Variants in PDSS2 observed in about 807,000 individuals in gnomAD.
PDSS2 encodes the protein all trans-polyprenyl-diphosphate synthase PDSS2.
Under a neutral mutation model 44.5 loss-of-function variants are expected in PDSS2, and 31 were observed. The ratio of observed to expected loss-of-function variants is 0.70; its 90% CI spans 0.52 to 0.94. PDSS2 has a LOEUF of 0.94. Ranked by LOEUF, PDSS2 falls within the 40% of genes least tolerant of loss-of-function variation. The probability of loss-of-function intolerance (pLI) is 0.00; values close to 1 mark genes in which losing one functional copy is unlikely to be tolerated. For missense variants in PDSS2, 452 were observed against 482.2 expected (o/e 0.94, Z 0.59); for synonymous variants, 157 against 180.3 (o/e 0.87, Z 1.03).
At chr6:107,414,823 A>C (rs1291359144) in intron 1 of PDSS2, among the ~76,000 whole-genome samples, 2 of 152,218 alleles carry the variant, frequency 1.3e-5, no homozygotes, top group African/African-American at 4.8e-5. Flanking sequence ...TAGGAAACAG[A>C]GGCATCAATT....
At chr6:107,341,664 G>A (rs1446910520) in intron 1 of PDSS2, among the ~76,000 whole-genome samples, 1 of 152,106 alleles carries the variant, frequency 6.6e-6, no homozygotes, top group Admixed American at 6.6e-5. Context: ...CCACAGACAT[G>A]GATAATGAAG....
intron 2 of PDSS2, among the ~76,000 whole-genome samples, chr6:107,274,888 G>C (rs1281481608): frequency 6.6e-6 from 1 of 152,082 alleles, no homozygotes; most frequent in Non-Finnish European, 1.5e-5. Flanking sequence ...ACCCAGGCTG[G>C]TCTTGAACTC....
chr6:107,207,608 CTTT>C (rs777686277), intron 6 of PDSS2, among the ~76,000 whole-genome samples: 2 of 110,370 alleles, frequency 1.8e-5, no homozygotes, highest in African/African-American at 3.5e-5. Context: ...AGTAAAGTGT[CTTT>C]TTTTTTTTTT....
chr6:107,201,291 AATGTGAAAATAGACAAG>A (rs1042792186), intron 6 of PDSS2, among the ~76,000 whole-genome samples: 2 of 151,188 alleles, frequency 1.3e-5, no homozygotes, highest in Non-Finnish European at 2.9e-5. Flanking sequence ...ATCTTTTAAA[AATGTGAAAATAGACAAG>A]ATAGTGTGCC....
At chr6:107,255,282 T>C (rs1774973490) in intron 3 of PDSS2, among the ~76,000 whole-genome samples, 1 of 146,962 alleles carries the variant, frequency 6.8e-6, no homozygotes, top group African/African-American at 2.5e-5. Flanking sequence ...AACCTCGACC[T>C]CCCGGGTTCA....
intron 4 of PDSS2, among the ~76,000 whole-genome samples, chr6:107,232,854 T>C (rs1480414610): frequency 5.9e-5 from 9 of 152,088 alleles, no homozygotes; most frequent in Admixed American, 5.9e-4. Flanking sequence ...TCTTTTTTTT[T>C]TTTGAGACAG....
chr6:107,271,755 C>T (rs1385701956), intron 3 of PDSS2, among the ~76,000 whole-genome samples: 1 of 152,104 alleles, frequency 6.6e-6, no homozygotes, highest in African/African-American at 2.4e-5. Context: ...TTTCAGATTT[C>T]CTAACAACTT....
intron 2 of PDSS2, among the ~76,000 whole-genome samples, chr6:107,298,426 T>C (rs534679299): frequency 1.7e-4 from 26 of 152,270 alleles, no homozygotes; most frequent in Admixed American, 4.6e-4. Flanking sequence ...ATATGAAGCA[T>C]ACAAGAGGAT....
At chr6:107,168,845 C>T (rs1356528749) in intron 7 of PDSS2, among the ~76,000 whole-genome samples, 9 of 152,128 alleles carry the variant, frequency 5.9e-5, no homozygotes, top group African/African-American at 7.2e-5. Flanking sequence ...CCGAGAGATC[C>T]GCTGTTAGTC....
chr6:107,367,802 CA>C lies in PDSS2; in HGVS notation c.297-33471del, dbSNP rs58861327. Among the ~76,000 whole-genome samples, 439 of 101,634 alleles carry C rather than the reference CA, an allele frequency of 4.3e-3. 4 individuals are homozygous for C. The highest frequency in any genetic ancestry group is 0.016 in the African/African-American group (389 of 24,250). The allele number at this position is 101,634 out of a possible 152,430, so 66.7% of individuals were successfully genotyped here. A position where few individuals can be genotyped will look rare whatever the true frequency, so the allele number is the denominator to read the frequency against. ...TGGGCAATAGAGTGGAACTCTGTCT[CA>C]AAAAAAAAAAAAAAAAAAATTAAAG... On this transcript the variant is annotated intron_variant, in intron 1 of 7. Coordinates refer to ENST00000369037, the MANE Select transcript of PDSS2 (RefSeq NM_020381.4).
At chr6:107,180,268 C>T (rs1389495881) in intron 7 of PDSS2, among the ~76,000 whole-genome samples, 5 of 152,160 alleles carry the variant, frequency 3.3e-5, no homozygotes, top group Admixed American at 3.3e-4. Flanking sequence ...TTGAATCCAG[C>T]TATCCCACAG....
At chr6:107,355,967 C>T (rs1778586889) in intron 1 of PDSS2, among the ~76,000 whole-genome samples, 1 of 152,134 alleles carries the variant, frequency 6.6e-6, no homozygotes, top group Non-Finnish European at 1.5e-5. Flanking sequence ...CTCAAGTCAC[C>T]ACTTTGATGT....
chr6:107,404,911 T>C (rs1780262333), intron 1 of PDSS2, among the ~76,000 whole-genome samples: 1 of 152,122 alleles, frequency 6.6e-6, no homozygotes, highest in African/African-American at 2.4e-5. Flanking sequence ...GATTTAGACA[T>C]CCAGATATAA....
At chr6:107,353,601 C>T (rs376047140) in intron 1 of PDSS2, among the ~76,000 whole-genome samples, 2 of 151,910 alleles carry the variant, frequency 1.3e-5, no homozygotes, top group Non-Finnish European at 2.9e-5. Flanking sequence ...TTGCTTGTTA[C>T]ATCAATAAAA....
intron 2 of PDSS2, among the ~76,000 whole-genome samples, chr6:107,282,701 TA>T (rs949733416): frequency 2.0e-5 from 3 of 148,972 alleles, no homozygotes; most frequent in Admixed American, 6.7e-5. Flanking sequence ...CCGACTCTAC[TA>T]AAAAAAAATA....
chr6:107,410,110 C>T (rs1289874965), intron 1 of PDSS2, among the ~76,000 whole-genome samples: 1 of 152,092 alleles, frequency 6.6e-6, no homozygotes, highest in Non-Finnish European at 1.5e-5. Context: ...ATAGGCCATC[C>T]AGGGCTTTGC....
intron 1 of PDSS2, among the ~76,000 whole-genome samples, chr6:107,374,798 G>A (rs895244312): frequency 2.6e-5 from 4 of 151,986 alleles, no homozygotes; most frequent in Non-Finnish European, 4.4e-5. Flanking sequence ...TGTATCTCAG[G>A]TTCCTGAGGT....
chr6:107,441,882 C>G (rs950650288), intron 1 of PDSS2, among the ~76,000 whole-genome samples: 1 of 152,166 alleles, frequency 6.6e-6, no homozygotes, highest in Non-Finnish European at 1.5e-5. Flanking sequence ...CCTAGTACAC[C>G]ATTCACCCAT....
At chr6:107,198,030 C>A (rs1048505126) in intron 6 of PDSS2, 20 of 416,864 alleles carry the variant, frequency 4.8e-5, no homozygotes, top group African/African-American at 3.7e-4. Context: ...ATATAATATT[C>A]TTTACTGATA....
Sources: allele counts gnomAD v4.1 joint callset (sites outside exome capture counted in the v4.1 genomes callset), GRCh38; gene constraint gnomAD v4.1.1; transcripts MANE v1.5; gene names NCBI Gene and HGNC (gene_info 2026-07-23, HGNC 2026-07-21).